The following ARSB variants were observed in gnomAD, a reference collection of about 807,000 sequenced individuals.
ARSB encodes the protein arylsulfatase B, also known as N-acetylgalactosamine-4-sulfatase.
Under a neutral mutation model 50.9 loss-of-function variants are expected in ARSB, and 41 were observed. The observed-to-expected ratio is 0.81, with a 90% CI of 0.63 to 1.04. ARSB has a LOEUF of 1.04. ARSB is among the 50% of genes least tolerant of loss of function. The probability of loss-of-function intolerance (pLI) is 0.00; values close to 1 mark genes in which losing one functional copy is unlikely to be tolerated. For missense variants in ARSB, 672 were observed against 693.3 expected (o/e 0.97, Z 0.35); for synonymous variants, 269 against 284.8 (o/e 0.94, Z 0.56).
At chr5:78,852,378 A>G (rs1438859230) in intron 5 of ARSB, among the ~76,000 whole-genome samples, 11 of 152,194 alleles carry the variant, frequency 7.2e-5, no homozygotes. Flanking sequence ...AATGTTGAAT[A>G]TTGGCCCCCA....
intron 6 of ARSB, among the ~76,000 whole-genome samples, chr5:78,815,105 A>G (rs1743941442): frequency 6.6e-6 from 1 of 151,060 alleles, no homozygotes. Context: ...CTGTAAGTTT[A>G]ATCACAACCC....
chr5:78,952,834 TTTA>T (rs1317244731), intron 4 of ARSB, among the ~76,000 whole-genome samples: 1 of 152,354 alleles, frequency 6.6e-6, no homozygotes, highest in East Asian at 1.9e-4. Context: ...AAAGACTTGT[TTTA>T]TAAACTTATG....
At chr5:78,794,356 C>T (rs1743100512) in intron 6 of ARSB, among the ~76,000 whole-genome samples, 1 of 152,090 alleles carries the variant, frequency 6.6e-6, no homozygotes, top group South Asian at 2.1e-4. Context: ...ATTCAATAGT[C>T]TTCAAGTGCA....
At chr5:78,977,316 G>C (rs1342180050) in intron 1 of ARSB, among the ~76,000 whole-genome samples, 2 of 151,982 alleles carry the variant, frequency 1.3e-5, no homozygotes, top group Non-Finnish European at 2.9e-5. Context: ...ATCATACCTG[G>C]CTAATTTTTG....
At chr5:78,858,878 A>G (rs964270137) in intron 5 of ARSB, among the ~76,000 whole-genome samples, 1 of 152,208 alleles carries the variant, frequency 6.6e-6, no homozygotes, top group African/African-American at 2.4e-5. Context: ...CTCTCTCACT[A>G]AATCCTCACA....
chr5:78,881,960 T>C (rs894645645), intron 5 of ARSB, among the ~76,000 whole-genome samples: 2 of 152,250 alleles, frequency 1.3e-5, no homozygotes, highest in African/African-American at 2.4e-5. Context: ...TAACAAAGTA[T>C]GGACAGCCAT....
chr5:78,944,236 G>A (rs1309420781), intron 4 of ARSB, among the ~76,000 whole-genome samples: 1 of 152,082 alleles, frequency 6.6e-6, no homozygotes, highest in Non-Finnish European at 1.5e-5. Flanking sequence ...TCCTCCTTTA[G>A]CTCGGAGAAG....
intron 6 of ARSB, among the ~76,000 whole-genome samples, chr5:78,795,990 T>C (rs1184677243): frequency 1.3e-5 from 2 of 152,232 alleles, no homozygotes; most frequent in African/African-American, 4.8e-5. Context: ...GAGAATGTGC[T>C]GGTGTTACAG....
intron 4 of ARSB, among the ~76,000 whole-genome samples, chr5:78,928,497 G>A (rs973951935): frequency 2.0e-5 from 3 of 151,842 alleles, no homozygotes. Flanking sequence ...TATATTTTTA[G>A]TAGAGATGGG....
chr5:78,969,568 A>G (rs986694938), intron 1 of ARSB, among the ~76,000 whole-genome samples: 3 of 152,186 alleles, frequency 2.0e-5, no homozygotes, highest in Non-Finnish European at 4.4e-5. Flanking sequence ...TGATTAGAAG[A>G]CACTTCTGTA....
chr5:78,890,637 T>C (rs897432282), intron 4 of ARSB, among the ~76,000 whole-genome samples: 1 of 152,110 alleles, frequency 6.6e-6, no homozygotes, highest in African/African-American at 2.4e-5. Flanking sequence ...CACATGCATG[T>C]TTAAAGACCT....
intron 4 of ARSB, among the ~76,000 whole-genome samples, chr5:78,908,476 A>C (rs780949930): frequency 1.4e-4 from 22 of 152,210 alleles, no homozygotes; most frequent in Non-Finnish European, 2.5e-4. Flanking sequence ...ACAGGAAGGC[A>C]GTTTCAGGCA....
At chr5:78,885,934 AAAAAG>A (rs1335336444) in intron 4 of ARSB, 107 bp from the exon 5 acceptor site, 1 of 1,565,906 alleles carries the variant, frequency 6.4e-7, no homozygotes, top group Non-Finnish European at 8.7e-7. Flanking sequence ...AATAATAAAA[AAAAAG>A]AAAATTCCTT....
chr5:78,925,122 T>G (rs540208783), intron 4 of ARSB, among the ~76,000 whole-genome samples: 8 of 152,350 alleles, frequency 5.3e-5, no homozygotes, highest in Non-Finnish European at 1.2e-4. Context: ...CCATAATTTC[T>G]TCCTCATTTA....
At chr5:78,948,873 C>A (rs1243897367) in intron 4 of ARSB, among the ~76,000 whole-genome samples, 4 of 152,132 alleles carry the variant, frequency 2.6e-5, no homozygotes, top group Non-Finnish European at 5.9e-5. Context: ...TTTCTGTGTA[C>A]AAAAGAATCA....
intron 6 of ARSB, among the ~76,000 whole-genome samples, chr5:78,800,820 A>G (rs896738683): frequency 2.0e-5 from 3 of 152,180 alleles, no homozygotes; most frequent in African/African-American, 4.8e-5. Context: ...TGGAAAGTCT[A>G]TTTCTGGTTG....
intron 1 of ARSB, among the ~76,000 whole-genome samples, chr5:78,972,885 G>A (rs1752519649): frequency 6.6e-6 from 1 of 152,172 alleles, no homozygotes; most frequent in East Asian, 1.9e-4. Context: ...TATGGAGCAG[G>A]GAATGTGTTC....
intron 6 of ARSB, among the ~76,000 whole-genome samples, chr5:78,787,138 A>ATCTATTTATCTATCTATCTATT (rs3035252): frequency 5.3e-4 from 60 of 112,272 alleles, no homozygotes; most frequent in African/African-American, 1.8e-3. Context: ...ATCTATCTAT[A>ATCTATTTATCTATCTATCTATT]TAGATACAGG....
chr5:78,818,483 A>ACAT (rs1245762633), intron 6 of ARSB, among the ~76,000 whole-genome samples: 3 of 152,018 alleles, frequency 2.0e-5, no homozygotes, highest in Non-Finnish European at 4.4e-5. Flanking sequence ...TACCCAAACT[A>ACAT]CATGGTGCTC....
Sources: allele counts gnomAD v4.1 joint callset (sites outside exome capture counted in the v4.1 genomes callset), GRCh38; gene constraint gnomAD v4.1.1; transcripts MANE v1.5; gene names NCBI Gene and HGNC (gene_info 2026-07-23, HGNC 2026-07-21).